Variants in HMBOX1 observed in about 807,000 individuals in gnomAD.
HMBOX1 encodes homeobox-containing protein 1.
Under a neutral mutation model 54.5 loss-of-function variants are expected in HMBOX1, and 14 were observed. The observed-to-expected ratio is 0.26, with a 90% CI of 0.17 to 0.40. HMBOX1 has a LOEUF of 0.40. HMBOX1 is among the 10% of genes least tolerant of loss of function. The pLI, the probability that HMBOX1 is intolerant of heterozygous loss-of-function variation, is 1.00. For missense variants in HMBOX1, 332 were observed against 514.4 expected, an observed-to-expected ratio of 0.65 and a Z score of 3.43; for synonymous variants, 160 against 181.0, an observed-to-expected ratio of 0.88 and a Z score of 0.93.
chr8:28,891,557 G>C (rs1333304912), intron 1 of HMBOX1: 1 of 152,314 alleles, frequency 6.6e-6, no homozygotes, highest in East Asian at 1.9e-4. Context: ...CTGGGGTGGG[G>C]GTCGGGAGTG....
intron 6 of HMBOX1, among the ~76,000 whole-genome samples, chr8:29,041,970 A>G (rs1252121487): frequency 6.6e-6 from 1 of 152,144 alleles, no homozygotes; most frequent in Non-Finnish European, 1.5e-5. Context: ...AAGTTGTCAC[A>G]ATGAGGTGCA....
At chr8:28,986,034 C>A (rs1047445489) in intron 4 of HMBOX1, among the ~76,000 whole-genome samples, 1 of 152,172 alleles carries the variant, frequency 6.6e-6, no homozygotes, top group Non-Finnish European at 1.5e-5. Context: ...TGTAGTATCA[C>A]ACAGAGTTGT....
chr8:28,944,087 C>A (rs891995662), intron 1 of HMBOX1, among the ~76,000 whole-genome samples: 38 of 152,178 alleles, frequency 2.5e-4, no homozygotes, highest in Non-Finnish European at 2.9e-5. Context: ...AGGCTAGATA[C>A]TGCCCCTAGA....
chr8:29,022,132 A>C (rs1446418534), intron 6 of HMBOX1, among the ~76,000 whole-genome samples: 3 of 152,126 alleles, frequency 2.0e-5, no homozygotes, highest in Admixed American at 1.3e-4. Context: ...CTAGAAAATT[A>C]TCTTAGGGCC....
intron 4 of HMBOX1, among the ~76,000 whole-genome samples, chr8:28,981,093 T>C (rs1829261459): frequency 6.6e-6 from 1 of 152,182 alleles, no homozygotes; most frequent in African/African-American, 2.4e-5. Context: ...CAGACCATGA[T>C]ACATACTGAA....
intron 4 of HMBOX1, among the ~76,000 whole-genome samples, chr8:28,987,447 G>A (rs1830330742): frequency 6.6e-6 from 1 of 152,152 alleles, no homozygotes. Flanking sequence ...GTATCTGTGT[G>A]TGATAAAATA....
rs1206164627 is a variant in HMBOX1, at chr8:29,010,203, T to C, written c.697+1021T>C. On this transcript the variant is annotated intron_variant, in intron 5 of 9. Coordinates refer to ENST00000287701, the MANE Select transcript of HMBOX1 (RefSeq NM_001135726.3). ...AGTTTTTATTTTGAAATGTTTCAGA[T>C]GTACAGAAAATTCAAAAGACTAACA... The C allele has an allele frequency of 6.6e-6, 6 of 905,464 alleles. No homozygotes were observed. The African/African-American group carries it at 1.1e-4, about 16-fold the overall frequency. The allele number at this position is 905,464 out of a possible 1,614,324, so 56.1% of individuals were successfully genotyped here. A position where few individuals can be genotyped will look rare whatever the true frequency, so the allele number is the denominator to read the frequency against.
intron 4 of HMBOX1, among the ~76,000 whole-genome samples, chr8:28,984,079 C>T (rs557520011): frequency 2.0e-5 from 3 of 152,326 alleles, no homozygotes; most frequent in Admixed American, 6.5e-5. Context: ...ATTGGTCTAA[C>T]TTAGGTTAGA....
intron 1 of HMBOX1, among the ~76,000 whole-genome samples, chr8:28,917,388 T>G (rs1816754890): frequency 6.6e-6 from 1 of 152,224 alleles, no homozygotes; most frequent in African/African-American, 2.4e-5. Context: ...GTAATTGATT[T>G]TTGTATATTA....
chr8:28,975,366 G>A (rs1197227284), intron 3 of HMBOX1, among the ~76,000 whole-genome samples: 3 of 152,202 alleles, frequency 2.0e-5, no homozygotes, highest in Non-Finnish European at 2.9e-5. Flanking sequence ...TTGAAGATCA[G>A]GGAGAACGTC....
intron 1 of HMBOX1, among the ~76,000 whole-genome samples, chr8:28,960,765 C>CTT (rs1162477676): frequency 1.2e-4 from 2 of 16,270 alleles, no homozygotes; most frequent in Non-Finnish European, 2.6e-4. Flanking sequence ...TTTTCTTTTT[C>CTT]TTTTTTTTTT....
At chr8:28,961,773 C>A (rs552299336) in intron 1 of HMBOX1, among the ~76,000 whole-genome samples, 1 of 152,114 alleles carries the variant, frequency 6.6e-6, no homozygotes, top group Non-Finnish European at 1.5e-5. Context: ...TCCATAGTGG[C>A]TTCACCATTT....
At chr8:28,894,518 G>A (rs1204418657) in intron 1 of HMBOX1, among the ~76,000 whole-genome samples, 1 of 152,130 alleles carries the variant, frequency 6.6e-6, no homozygotes, top group Non-Finnish European at 1.5e-5. Flanking sequence ...TCTCAAAATG[G>A]AAGCTATTGA....
intron 1 of HMBOX1, among the ~76,000 whole-genome samples, chr8:28,909,706 T>A (rs1191442125): frequency 1.3e-5 from 2 of 152,148 alleles, no homozygotes; most frequent in Admixed American, 1.3e-4. Context: ...AAATGAGACT[T>A]GAGAACTTCT....
intron 6 of HMBOX1, among the ~76,000 whole-genome samples, chr8:29,042,948 A>G (rs1805062823): frequency 1.3e-5 from 2 of 152,218 alleles, no homozygotes; most frequent in South Asian, 4.1e-4. Flanking sequence ...GGTAAATACA[A>G]AGTTGACTGG....
chr8:29,048,228 AAT>A lies in HMBOX1; in HGVS notation c.1031-723_1031-722del, dbSNP rs145931029. 3.2e-3 allele frequency among the ~76,000 whole-genome samples: 489 copies of A among 152,364 alleles called. 7 individuals carry two copies. The highest frequency in any genetic ancestry group is 0.011 in the African/African-American group (457 of 41,596). On this transcript the variant is annotated intron_variant, in intron 8 of 9. Coordinates refer to ENST00000287701, the MANE Select transcript of HMBOX1 (RefSeq NM_001135726.3). ...AGGCAGAGATAAAGAGCATTTAAGA[AAT>A]ATGGATTCTTGATGTAATCATTTAT... is the stretch of plus-strand genomic sequence containing the variant.
chr8:28,941,351 TAACTC>T (rs2132021947), intron 1 of HMBOX1, among the ~76,000 whole-genome samples: 1 of 152,328 alleles, frequency 6.6e-6, no homozygotes, highest in South Asian at 2.1e-4. Flanking sequence ...AAAAACAAAA[TAACTC>T]TATATTGGGT....
At chr8:29,037,452 A>G (rs781056601) in intron 6 of HMBOX1, among the ~76,000 whole-genome samples, 7 of 152,210 alleles carry the variant, frequency 4.6e-5, no homozygotes, top group Non-Finnish European at 8.8e-5. Context: ...CGTGCTTAAT[A>G]TATAAAATTG....
intron 1 of HMBOX1, among the ~76,000 whole-genome samples, chr8:28,934,967 A>T (rs2131948089): frequency 6.6e-6 from 1 of 152,128 alleles, no homozygotes; most frequent in Admixed American, 6.5e-5. Flanking sequence ...TTAGTTCTGT[A>T]CACCGTTATA....
Sources: allele counts gnomAD v4.1 joint callset (sites outside exome capture counted in the v4.1 genomes callset), GRCh38; gene constraint gnomAD v4.1.1; transcripts MANE v1.5; gene names NCBI Gene and HGNC (gene_info 2026-07-23, HGNC 2026-07-21).